The following DPY19L4 variants were observed in gnomAD, a reference collection of about 807,000 sequenced individuals.
DPY19L4 encodes the protein probable C-mannosyltransferase DPY19L4.
DPY19L4 carries 97 observed loss-of-function variants against 102.8 expected under a neutral mutation model. That is an observed-to-expected ratio of 0.94 (90% CI 0.80 to 1.12). The LOEUF (loss-of-function observed/expected upper bound fraction) is 1.12, where lower values mean the gene tolerates loss of function less well. DPY19L4 is among the 50% of genes most tolerant of loss of function. The pLI is 0.00. For synonymous variants in DPY19L4, 252 were observed against 283.1 expected, an observed-to-expected ratio of 0.89 and a Z score of 1.10; for missense variants, 815 against 850.4, an observed-to-expected ratio of 0.96 and a Z score of 0.52.
chr8:94,761,750 G>A lies in DPY19L4; in HGVS notation c.786G>A (p.Met262Ile). 6.2e-7 allele frequency: 1 copy of A among 1,611,834 alleles called. No individual in the cohort carries two copies. The highest frequency in any genetic ancestry group is 8.5e-7 in the Non-Finnish European group (1 of 1,179,136). Residue 262 changes from methionine (M) to isoleucine (I), a missense_variant, in exon 8 of 19, where the codon ATG becomes ATA. Transcript: ENST00000414645. ...CTTCAACTTACACATTTATGATGAT[G>A]TGGGAGTATAGCCACTATCTCCTGT... ...MSASTYTFMM[M>I]WEYSHYLLFL...
Position 94,756,047 on chromosome 8 carries a change from C to G in DPY19L4, c.623C>G (p.Thr208Arg), listed in dbSNP as rs375681274. Residue 208 changes from threonine (T) to arginine (R), a missense_variant, in exon 7 of 19, where the codon ACA (threonine) becomes AGA (arginine). Transcript: ENST00000414645. Reference sequence around the variant, plus strand: ...GTGGTTTATTTTAGGGTAGATACAACAAGAATTGAATACTCCATTCCTTTA... The same window carrying G: ...GTGGTTTATTTTAGGGTAGATACAAGAAGAATTGAATACTCCATTCCTTTA... ...AWFVINRVDT[T>R]RIEYSIPLRE... 9 of 1,610,410 alleles carry G rather than the reference C, an allele frequency of 5.6e-6. No homozygotes were observed. The highest frequency in any genetic ancestry group is 7.6e-6 in the Non-Finnish European group (9 of 1,179,392).
intron 14 of DPY19L4, among the ~76,000 whole-genome samples, chr8:94,779,534 G>T (rs537365327): frequency 1.4e-3 from 212 of 150,790 alleles, no homozygotes; most frequent in Middle Eastern, 6.8e-3. Context: ...TCACTATGTT[G>T]CCCAGGCTGG....
chr8:94,780,635 A>C (rs530164431), intron 15 of DPY19L4, among the ~76,000 whole-genome samples: 1 of 152,246 alleles, frequency 6.6e-6, no homozygotes, highest in African/African-American at 2.4e-5. Context: ...GTCTAATGCT[A>C]GTGTTAATTC....
At position 94,783,699 on chromosome 8, in the gene DPY19L4, C is replaced by T; in HGVS notation, c.1745C>T (p.Ala582Val). ...KRQAPVAAVF[A>V]GSPQLMGAIK... The stretch of plus-strand genomic sequence containing the variant: ...CAAGCTCCAGTTGCAGCTGTGTTTG[C>T]AGGGAGTCCACAGTTAATGGGTGCG... Residue 582 changes from alanine to valine, a missense_variant, in exon 17 of 19, where the codon GCA (alanine) becomes GTA (valine). Physicochemically the swap from Ala to Val is moderately conservative, Grantham distance 64. Transcript: ENST00000414645. 2.5e-6 allele frequency: 4 copies of T among 1,613,996 alleles called. No individual in the cohort carries two copies. Among genetic ancestry groups the T allele is most frequent in the Non-Finnish European group, 2.5e-6 (3 of 1,179,968 alleles).
rs1045285372 is a variant in DPY19L4 at position 94,742,082 on chromosome 8, G to T, written c.611+2292G>T. Among the ~76,000 whole-genome samples, 7 of 152,208 alleles carry T rather than the reference G, an allele frequency of 4.6e-5. No homozygotes were observed. In the South Asian group the frequency reaches 1.4e-3, roughly 32 times the overall value. ...TAGAAAATCTTATATTTTATGGCCG[G>T]GTGCGGTGGCTCACGCCTGTAATCC... On this transcript the variant is annotated intron_variant, in intron 6 of 18. Coordinates refer to ENST00000414645, the MANE Select transcript of DPY19L4 (RefSeq NM_181787.3).
chr8:94,762,953 TC>T (rs1276788795), intron 8 of DPY19L4, among the ~76,000 whole-genome samples: 1 of 135,724 alleles, frequency 7.4e-6, no homozygotes, highest in Non-Finnish European at 1.5e-5. Context: ...GTGAGGTCTC[TC>T]TTTTTTTTTT....
chr8:94,770,525 G>T lies in DPY19L4; in HGVS notation c.1408G>T (p.Val470Leu), dbSNP rs780805166. 2 of 1,613,796 alleles carry T rather than the reference G, an allele frequency of 1.2e-6. No homozygotes were observed. The highest frequency in any genetic ancestry group is 1.7e-5 in the Admixed American group (1 of 59,976). ...AGAAAGACCAGAAATAATTTATCAT[G>T]TAATTCACACTATTTTATTGGGTTC... is the stretch of plus-strand genomic sequence containing the variant. ...IGERPEIIYH[V>L]IHTILLGSLA... Residue 470 changes from valine to leucine, a missense_variant, in exon 13 of 19, where the codon GTA becomes TTA. Val to Leu is a conservative substitution (Grantham distance 32). Coordinates refer to ENST00000414645, the MANE Select transcript of DPY19L4 (RefSeq NM_181787.3).
At chr8:94,735,592 C>T in intron 3 of DPY19L4, among the ~76,000 whole-genome samples, 1 of 152,176 alleles carries the variant, frequency 6.6e-6, no homozygotes. Flanking sequence ...GGCAGTGGGA[C>T]AGGCTGCGAT....
In DPY19L4 at chr8:94,720,116, C is replaced by T. The variant is rs1810391638; in HGVS notation, c.16+102C>T. The T allele has an allele frequency of 5.7e-6, 8 of 1,394,218 alleles. No homozygotes were observed. In the East Asian group the frequency reaches 1.8e-4, roughly 32 times the overall value. The allele number at this position is 1,394,218 out of a possible 1,614,324, so 86.4% of individuals were successfully genotyped here. A position where few individuals can be genotyped will look rare whatever the true frequency, so the allele number is the denominator to read the frequency against. On this transcript the variant is annotated intron_variant, in intron 1 of 18. Coordinates refer to ENST00000414645, the MANE Select transcript of DPY19L4 (RefSeq NM_181787.3). ...GGTTGGAGCTGCTGGTGGCCGCGGTCGCGGTGGCGGCCGCGCGGGCAGGGC... is the reference window on the plus strand; with the variant it reads ...GGTTGGAGCTGCTGGTGGCCGCGGTTGCGGTGGCGGCCGCGCGGGCAGGGC...
At chr8:94,735,454 A>G (rs1811151545) in intron 3 of DPY19L4, among the ~76,000 whole-genome samples, 1 of 152,184 alleles carries the variant, frequency 6.6e-6, no homozygotes, top group Non-Finnish European at 1.5e-5. Flanking sequence ...TGATTTAGCT[A>G]TTACTGTAGC....
intron 6 of DPY19L4, among the ~76,000 whole-genome samples, chr8:94,752,684 T>A (rs867540110): frequency 3.5e-5 from 5 of 141,770 alleles, no homozygotes; most frequent in Middle Eastern, 3.7e-3. Flanking sequence ...TTTTTTTGTG[T>A]GATGGAGTCT....
intron 8 of DPY19L4, among the ~76,000 whole-genome samples, chr8:94,764,481 C>T (rs991968231): frequency 2.0e-5 from 3 of 147,488 alleles, no homozygotes; most frequent in African/African-American, 5.0e-5. Context: ...GAGGCTGAGG[C>T]AGGAGAATGG....
At chr8:94,763,254 CTTTTT>C (rs374208413) in intron 8 of DPY19L4, among the ~76,000 whole-genome samples, 130 of 104,904 alleles carry the variant, frequency 1.2e-3, no homozygotes, top group South Asian at 2.0e-3. Flanking sequence ...GCCAAGGTAT[CTTTTT>C]TTTTTTTTTT....
chr8:94,761,322 G>A (rs936057025), intron 7 of DPY19L4, among the ~76,000 whole-genome samples: 1 of 152,196 alleles, frequency 6.6e-6, no homozygotes, highest in Non-Finnish European at 1.5e-5. Flanking sequence ...AGCAAAAGGA[G>A]TTGCCTCCCC....
intron 17 of DPY19L4, among the ~76,000 whole-genome samples, chr8:94,787,007 G>A (rs1394267885): frequency 6.6e-6 from 1 of 152,128 alleles, no homozygotes; most frequent in African/African-American, 2.4e-5. Context: ...TGTCATAACT[G>A]GAAGAGGGGT....
intron 13 of DPY19L4, among the ~76,000 whole-genome samples, chr8:94,777,156 T>G (rs1320708666): frequency 6.6e-6 from 1 of 151,900 alleles, no homozygotes; most frequent in African/African-American, 2.4e-5. Context: ...AACCTCTGCC[T>G]CCCAGGCTTA....
intron 8 of DPY19L4, among the ~76,000 whole-genome samples, chr8:94,764,510 A>C (rs1812542459): frequency 6.8e-6 from 1 of 147,492 alleles, no homozygotes; most frequent in Non-Finnish European, 1.5e-5. Context: ...CGGGAGGCAG[A>C]GCTTGCAGTC....
In DPY19L4 at chr8:94,739,554, C is replaced by T; in HGVS notation, c.465+20C>T. 6.3e-7 allele frequency: 1 copy of T among 1,596,542 alleles called. No individual in the cohort carries two copies. On this transcript the variant is annotated intron_variant, in intron 5 of 18. Coordinates refer to ENST00000414645, the MANE Select transcript of DPY19L4 (RefSeq NM_181787.3). ...AGCAATGTATGTATTTTTCGTTGGA[C>T]CCTAATATTTATTTTCTCATGTATT...
intron 2 of DPY19L4, among the ~76,000 whole-genome samples, chr8:94,733,064 T>G (rs573668950): frequency 6.7e-6 from 1 of 150,180 alleles, no homozygotes; most frequent in Non-Finnish European, 1.5e-5. Context: ...TCTGCCTGCC[T>G]CTGGAAGTTT....
Sources: gnomAD v4.1 joint callset for allele counts (sites outside exome capture counted in the v4.1 genomes callset) on GRCh38, gnomAD v4.1.1 for gene constraint, MANE v1.5 for transcripts, NCBI Gene and HGNC (gene_info 2026-07-23, HGNC 2026-07-21) for gene names.